The following CCDC141 variants were observed in gnomAD, a reference collection of about 807,000 sequenced individuals.
The protein encoded by CCDC141 is coiled-coil domain-containing protein 141.
A neutral mutation model predicts 181.0 loss-of-function variants in CCDC141; 168 were observed. That is an observed-to-expected ratio of 0.93 (90% CI 0.82 to 1.05). The LOEUF is 1.05. Among genes scored for constraint, CCDC141 ranks in the 50% least tolerant of loss-of-function variants. The probability of loss-of-function intolerance (pLI) is 0.00; values close to 1 mark genes in which losing one functional copy is unlikely to be tolerated. For missense variants in CCDC141, 1,902 were observed against 1,788.5 expected (o/e 1.06, Z -1.14); for synonymous variants, 666 against 642.3 (o/e 1.04, Z -0.56).
chr2:178,930,253 A>T (rs2154375738), intron 6 of CCDC141, among the ~76,000 whole-genome samples: 1 of 152,250 alleles, frequency 6.6e-6, no homozygotes, highest in South Asian at 2.1e-4. Context: ...AAATTTAATC[A>T]AGGAGATGGA....
Position 178,868,014 on chromosome 2 carries a change from T to C in CCDC141, c.2574+12A>G, listed in dbSNP as rs1685928736. 1 of 1,597,418 alleles carries C rather than the reference T, an allele frequency of 6.3e-7. No homozygotes were observed. The highest frequency in any genetic ancestry group is 8.6e-7 in the Non-Finnish European group (1 of 1,166,954). ...GAACTGAGTCTAAATGATAGTGTTA[T>C]TAGATGCTTACAGGCCGCTGCACTG... is the stretch of plus-strand genomic sequence containing the variant. On this transcript the variant is annotated intron_variant, in intron 16 of 23. Transcript: ENST00000443758.
chr2:178,868,137 A>T lies in CCDC141; in HGVS notation c.2463T>A (p.His821Gln), dbSNP rs754151421. ...VEQPKELGDA[H>Q]DVQIHLRCSQ... is the part of the protein sequence containing the mutation. ...AGCACCGGAGGTGAATCTGCACATCATGGGCATCACCCAGTTCCTTCGGCT... is the reference window on the plus strand; with the variant it reads ...AGCACCGGAGGTGAATCTGCACATCTTGGGCATCACCCAGTTCCTTCGGCT... The change falls in exon 16 of 24, where the codon CAT becomes CAA. Residue 821 changes from histidine to glutamine, a missense_variant. Physicochemically the swap from His to Gln is conservative, Grantham distance 24. Transcript: ENST00000443758. 8 of 1,613,958 alleles carry T rather than the reference A, an allele frequency of 5.0e-6. No individual in the cohort carries two copies. In the Admixed American group the frequency reaches 1.2e-4, roughly 24 times the overall value.
chr2:178,925,992 T>C (rs115064549), intron 6 of CCDC141, among the ~76,000 whole-genome samples: 1,937 of 152,310 alleles, frequency 0.013, 43 homozygotes, highest in African/African-American at 0.044. Flanking sequence ...GGAGGGTCTG[T>C]TTATGTTTTA....
intron 8 of CCDC141, among the ~76,000 whole-genome samples, chr2:178,898,393 T>A (rs1299331170): frequency 6.6e-6 from 1 of 152,178 alleles, no homozygotes; most frequent in African/African-American, 2.4e-5. Flanking sequence ...TAGCTAAACT[T>A]CTTTCTTTTA....
intron 5 of CCDC141, among the ~76,000 whole-genome samples, chr2:178,952,378 A>AT (rs937208652): frequency 1.3e-5 from 2 of 152,178 alleles, no homozygotes; most frequent in Non-Finnish European, 2.9e-5. Context: ...AATATATAAT[A>AT]TTTTTTGTTT....
At chr2:179,009,301 T>A (rs2042197600) in intron 2 of CCDC141, among the ~76,000 whole-genome samples, 2 of 152,328 alleles carry the variant, frequency 1.3e-5, no homozygotes, top group South Asian at 4.2e-4. Context: ...TGAAACTTCC[T>A]TTTAAATAGT....
intron 2 of CCDC141, among the ~76,000 whole-genome samples, chr2:179,007,914 A>G (rs2042160136): frequency 6.6e-6 from 1 of 152,224 alleles, no homozygotes; most frequent in South Asian, 2.1e-4. Context: ...ATCTATCACA[A>G]TCACGCAGTG....
chr2:179,004,850 C>A (rs2042079295), intron 2 of CCDC141, among the ~76,000 whole-genome samples: 1 of 152,138 alleles, frequency 6.6e-6, no homozygotes, highest in South Asian at 2.1e-4. Context: ...CCTGCCTCGG[C>A]CCCACCTAGT....
At chr2:178,870,820 G>A (rs1217888709) in intron 14 of CCDC141, among the ~76,000 whole-genome samples, 1 of 152,182 alleles carries the variant, frequency 6.6e-6, no homozygotes, top group Non-Finnish European at 1.5e-5. Context: ...TGACTAGCAG[G>A]TGGCAATTTT....
chr2:178,987,050 C>T (rs1251505830), intron 2 of CCDC141, among the ~76,000 whole-genome samples: 1 of 151,204 alleles, frequency 6.6e-6, no homozygotes, highest in Non-Finnish European at 1.5e-5. Flanking sequence ...AGGCATCACA[C>T]TACCTGACTT....
chr2:178,816,922 T>C, the CCDC141 span, among the ~76,000 whole-genome samples: 1 of 152,194 alleles, frequency 6.6e-6, no homozygotes, highest in Non-Finnish European at 1.5e-5. Flanking sequence ...CTTTCTAGGA[T>C]GAGATTAAAA....
At chr2:179,007,071 C>T (rs967896692) in intron 2 of CCDC141, among the ~76,000 whole-genome samples, 3 of 152,156 alleles carry the variant, frequency 2.0e-5, no homozygotes, top group Non-Finnish European at 2.9e-5. Flanking sequence ...AGGATGAAAA[C>T]ATGATTGATT....
chr2:178,929,053 CA>C (rs1466784093), intron 6 of CCDC141, among the ~76,000 whole-genome samples: 2 of 152,132 alleles, frequency 1.3e-5, no homozygotes, highest in Non-Finnish European at 2.9e-5. Flanking sequence ...AAAATGAAGA[CA>C]GGGGAATTGA....
At chr2:178,947,492 T>G (rs1689780775) in intron 5 of CCDC141, among the ~76,000 whole-genome samples, 1 of 152,220 alleles carries the variant, frequency 6.6e-6, no homozygotes, top group Admixed American at 6.5e-5. Context: ...ATCTTCCAGT[T>G]TCATCTGAGC....
chr2:178,916,482 C>T (rs1014865200), intron 7 of CCDC141, among the ~76,000 whole-genome samples: 7 of 151,566 alleles, frequency 4.6e-5, no homozygotes, highest in Admixed American at 2.0e-4. Flanking sequence ...TAGATTTACA[C>T]GACATAATTT....
chr2:179,041,695 G>C (rs1237512317), intron 2 of CCDC141, among the ~76,000 whole-genome samples: 2 of 151,806 alleles, frequency 1.3e-5, no homozygotes, highest in Middle Eastern at 6.8e-3. Flanking sequence ...ACTCACATAG[G>C]CTCAAAATAC....
At chr2:178,946,597 G>A (rs1328735792) in intron 5 of CCDC141, among the ~76,000 whole-genome samples, 1 of 152,168 alleles carries the variant, frequency 6.6e-6, no homozygotes, top group African/African-American at 2.4e-5. Context: ...GTACAAACAG[G>A]TGTTCTCTAA....
intron 7 of CCDC141, among the ~76,000 whole-genome samples, chr2:178,912,076 T>C (rs1688242157): frequency 6.6e-6 from 1 of 152,232 alleles, no homozygotes; most frequent in Admixed American, 6.5e-5. Context: ...CTGCTCTTAG[T>C]CATTCAAATA....
At chr2:179,007,072 ATGAT>A (rs1276138253) in intron 2 of CCDC141, among the ~76,000 whole-genome samples, 1 of 152,194 alleles carries the variant, frequency 6.6e-6, no homozygotes. Flanking sequence ...GGATGAAAAC[ATGAT>A]TGATTCAAGG....
Sources: allele counts gnomAD v4.1 joint callset (sites outside exome capture counted in the v4.1 genomes callset), GRCh38; gene constraint gnomAD v4.1.1; transcripts MANE v1.5; gene names NCBI Gene and HGNC (gene_info 2026-07-23, HGNC 2026-07-21).